The following KIAA0825 variants were observed in gnomAD, a reference collection of about 807,000 sequenced individuals.
The protein encoded by KIAA0825 is KIAA0825.
A neutral mutation model predicts 147.6 loss-of-function variants in KIAA0825; 119 were observed. The ratio of observed to expected loss-of-function variants is 0.81; its 90% CI spans 0.69 to 0.94. KIAA0825 has a LOEUF of 0.94. Among genes scored for constraint, KIAA0825 ranks in the 40% least tolerant of loss-of-function variants. The pLI, the probability that KIAA0825 is intolerant of heterozygous loss-of-function variation, is 0.00. For missense variants in KIAA0825, 1,381 were observed against 1,472.7 expected, an observed-to-expected ratio of 0.94 and a Z score of 1.02; for synonymous variants, 470 against 518.1, an observed-to-expected ratio of 0.91 and a Z score of 1.26.
chr5:94,600,361 C>CAT (rs539088878), intron 1 of KIAA0825, among the ~76,000 whole-genome samples: 53 of 151,870 alleles, frequency 3.5e-4, no homozygotes, highest in Middle Eastern at 7.0e-3. Context: ...TATATAGTTT[C>CAT]ATATATATAT....
chr5:94,319,331 C>G (rs1779947112), intron 20 of KIAA0825, among the ~76,000 whole-genome samples: 1 of 151,892 alleles, frequency 6.6e-6, no homozygotes, highest in South Asian at 2.1e-4. Context: ...CCCCAGATCT[C>G]AATCCAAGAT....
intron 20 of KIAA0825, among the ~76,000 whole-genome samples, chr5:94,209,543 AG>A (rs1244169160): frequency 1.1e-4 from 16 of 152,312 alleles, no homozygotes; most frequent in African/African-American, 3.8e-4. Flanking sequence ...TAAGTTGAAA[AG>A]GGTTGTGCTC....
At position 94,308,072 on chromosome 5, in the gene KIAA0825, GTGAT is replaced by G. The variant is rs200778454; in HGVS notation, c.3710+76292_3710+76295del. Among the ~76,000 whole-genome samples the G allele has an allele frequency of 6.2e-3, 938 of 151,860 alleles. 10 individuals are homozygous for G. Among genetic ancestry groups the G allele is most frequent in the African/African-American group, 0.022 (908 of 41,474 alleles). On this transcript the variant is annotated intron_variant, in intron 20 of 20. Coordinates refer to ENST00000682413, the MANE Select transcript of KIAA0825 (RefSeq NM_001145678.3). ...CAAGAGTTTAATCATTTGGAATAGAGTGATTGAGGATTTTAAAGAGTTTTTCAAT... is the reference window on the plus strand; with the variant it reads ...CAAGAGTTTAATCATTTGGAATAGAGTGAGGATTTTAAAGAGTTTTTCAAT...
chr5:94,513,536 T>G (rs1766795630), intron 5 of KIAA0825, among the ~76,000 whole-genome samples: 1 of 152,140 alleles, frequency 6.6e-6, no homozygotes, highest in Admixed American at 6.5e-5. Context: ...GTGCTAAAAT[T>G]AAATTGCATA....
intron 20 of KIAA0825, among the ~76,000 whole-genome samples, chr5:94,243,044 G>C (rs920233647): frequency 2.6e-5 from 4 of 152,138 alleles, no homozygotes; most frequent in African/African-American, 9.7e-5. Flanking sequence ...ACACTTACTA[G>C]CTGTGTGATT....
intron 5 of KIAA0825, among the ~76,000 whole-genome samples, chr5:94,497,440 GA>G (rs777117729): frequency 5.3e-5 from 8 of 152,016 alleles, no homozygotes; most frequent in Non-Finnish European, 1.0e-4. Flanking sequence ...TTATATTAGA[GA>G]ATTATATTAG....
At chr5:94,470,241 G>A in intron 9 of KIAA0825, 130 bp from the exon 10 acceptor site, 1 of 557,396 alleles carries the variant, frequency 1.8e-6, no homozygotes, top group Non-Finnish European at 2.7e-6. Flanking sequence ...GCTGAAGTCT[G>A]CATCCACATT....
chr5:94,273,547 C>T (rs1777085560), intron 20 of KIAA0825, among the ~76,000 whole-genome samples: 1 of 151,982 alleles, frequency 6.6e-6, no homozygotes, highest in South Asian at 2.1e-4. Context: ...AGCCTCTGTC[C>T]CCATTACTCC....
At chr5:94,212,125 T>C (rs1366521356) in intron 20 of KIAA0825, among the ~76,000 whole-genome samples, 1 of 152,196 alleles carries the variant, frequency 6.6e-6, no homozygotes, top group Non-Finnish European at 1.5e-5. Context: ...TTAGTACTTA[T>C]TAGATAGTAA....
intron 1 of KIAA0825, among the ~76,000 whole-genome samples, chr5:94,606,286 C>T (rs113056146): frequency 0.017 from 2,594 of 152,266 alleles, 66 homozygotes; most frequent in African/African-American, 0.059. Flanking sequence ...ACATCCCATG[C>T]TCATGGATAG....
chr5:94,173,769 C>A (rs1768849378), intron 20 of KIAA0825, among the ~76,000 whole-genome samples: 1 of 152,136 alleles, frequency 6.6e-6, no homozygotes, highest in Non-Finnish European at 1.5e-5. Flanking sequence ...CTGCCATCAT[C>A]TTTAGAAAAT....
chr5:94,467,987 T>C (rs910233647), intron 10 of KIAA0825, among the ~76,000 whole-genome samples: 2 of 152,216 alleles, frequency 1.3e-5, no homozygotes, highest in Non-Finnish European at 2.9e-5. Flanking sequence ...AAGTATCACT[T>C]TATTTTTCTG....
At chr5:94,537,254 A>G (rs1313062343) in intron 2 of KIAA0825, 127 bp from the exon 3 acceptor site, 1 of 614,966 alleles carries the variant, frequency 1.6e-6, no homozygotes, top group Non-Finnish European at 2.9e-6. Context: ...TACAGGCACA[A>G]TGAAATATAG....
intron 20 of KIAA0825, among the ~76,000 whole-genome samples, chr5:94,305,718 GA>G (rs912011519): frequency 4.6e-5 from 7 of 151,870 alleles, no homozygotes; most frequent in African/African-American, 1.7e-4. Flanking sequence ...TAAAACCCAA[GA>G]AAGGGTTTTG....
intron 20 of KIAA0825, among the ~76,000 whole-genome samples, chr5:94,250,906 C>T (rs1340455487): frequency 6.6e-6 from 1 of 152,058 alleles, no homozygotes; most frequent in African/African-American, 2.4e-5. Flanking sequence ...GTAAAGCAGT[C>T]GTTCTGTTTT....
At chr5:94,357,899 C>G (rs983186464) in intron 20 of KIAA0825, among the ~76,000 whole-genome samples, 1 of 150,678 alleles carries the variant, frequency 6.6e-6, no homozygotes, top group South Asian at 2.1e-4. Flanking sequence ...ACCTGCCAAT[C>G]CAAAGAGTAA....
At chr5:94,345,573 T>C (rs1024477569) in intron 20 of KIAA0825, among the ~76,000 whole-genome samples, 2 of 152,132 alleles carry the variant, frequency 1.3e-5, no homozygotes, top group Non-Finnish European at 2.9e-5. Flanking sequence ...ATATGACAAA[T>C]GTTTTATAGA....
At chr5:94,238,421 A>C (rs1257303362) in intron 20 of KIAA0825, among the ~76,000 whole-genome samples, 2 of 152,232 alleles carry the variant, frequency 1.3e-5, no homozygotes, top group Non-Finnish European at 2.9e-5. Flanking sequence ...TGTGATTCTT[A>C]TATAAATCCA....
intron 20 of KIAA0825, among the ~76,000 whole-genome samples, chr5:94,348,655 CA>C (rs1232668882): frequency 6.6e-6 from 1 of 151,930 alleles, no homozygotes; most frequent in Non-Finnish European, 1.5e-5. Flanking sequence ...CAAAAGTGAC[CA>C]GGGGTAGCTA....
Sources: allele counts gnomAD v4.1 joint callset (sites outside exome capture counted in the v4.1 genomes callset), GRCh38; gene constraint gnomAD v4.1.1; transcripts MANE v1.5; gene names NCBI Gene and HGNC (gene_info 2026-07-23, HGNC 2026-07-21).